The following PTPN13 variants were observed in gnomAD, a reference collection of about 807,000 sequenced individuals.
The protein encoded by PTPN13 is protein tyrosine phosphatase non-receptor type 13.
Under a neutral mutation model 284.0 loss-of-function variants are expected in PTPN13, and 191 were observed. The observed-to-expected ratio is 0.67, with a 90% CI of 0.60 to 0.76. PTPN13 has a LOEUF of 0.76. Ranked by LOEUF, PTPN13 falls within the 30% of genes least tolerant of loss-of-function variation. PTPN13 has a pLI of 0.00. For synonymous variants in PTPN13, 986 were observed against 1,022.3 expected (o/e 0.96, Z 0.68); for missense variants, 2,797 against 2,939.9 (o/e 0.95, Z 1.12).
At chr4:86,780,357 T>C (rs1741155126) in intron 35 of PTPN13, 45 bp from the exon 36 acceptor site, 1 of 1,531,970 alleles carries the variant, frequency 6.5e-7, no homozygotes, top group African/African-American at 1.4e-5. Flanking sequence ...AGGTCAAGGC[T>C]ACAATGTCCA....
chr4:86,633,641 T>C (rs892129442), intron 1 of PTPN13, among the ~76,000 whole-genome samples: 12 of 152,196 alleles, frequency 7.9e-5, no homozygotes, highest in African/African-American at 2.9e-4. Context: ...CTCAGACATA[T>C]TACTTTGGAA....
At chr4:86,621,600 T>C (rs1456195549) in intron 1 of PTPN13, among the ~76,000 whole-genome samples, 1 of 152,180 alleles carries the variant, frequency 6.6e-6, no homozygotes, top group Non-Finnish European at 1.5e-5. Flanking sequence ...TTAGTGTAAA[T>C]ATTCATCAGT....
intron 18 of PTPN13, 57 bp from the exon 19 acceptor site, chr4:86,750,970 T>C: frequency 6.4e-7 from 1 of 1,559,384 alleles, no homozygotes; most frequent in Non-Finnish European, 8.7e-7. Context: ...ATTTTATTAT[T>C]TTCACCATAT....
At chr4:86,811,711 C>G (rs549321319) in intron 47 of PTPN13, among the ~76,000 whole-genome samples, 230 of 152,356 alleles carry the variant, frequency 1.5e-3, no homozygotes, top group African/African-American at 5.3e-3. Context: ...AAGAGTTCCA[C>G]AATCCTCTTT....
chr4:86,724,029 A>T (rs532897570), intron 10 of PTPN13, among the ~76,000 whole-genome samples: 5 of 152,194 alleles, frequency 3.3e-5, no homozygotes, highest in Non-Finnish European at 7.3e-5. Flanking sequence ...ATTGCATTGA[A>T]CTACAAATTG....
chr4:86,682,539 C>T (rs538394872), intron 3 of PTPN13, among the ~76,000 whole-genome samples: 8 of 151,534 alleles, frequency 5.3e-5, no homozygotes, highest in Admixed American at 3.3e-4. Context: ...TTTCTCATTA[C>T]GTAAAACACA....
intron 1 of PTPN13, among the ~76,000 whole-genome samples, chr4:86,601,994 A>C (rs1764333689): frequency 6.6e-6 from 1 of 152,212 alleles, no homozygotes; most frequent in Admixed American, 6.5e-5. Flanking sequence ...AGCTTTAATC[A>C]TCTGAGTTCA....
chr4:86,803,145 C>T (rs1372678512), intron 42 of PTPN13, among the ~76,000 whole-genome samples: 1 of 150,212 alleles, frequency 6.7e-6, no homozygotes, highest in African/African-American at 2.5e-5. Flanking sequence ...TACACACACA[C>T]ATATACATGT....
At chr4:86,699,391 CA>C (rs879562287) in intron 6 of PTPN13, among the ~76,000 whole-genome samples, 76 of 139,760 alleles carry the variant, frequency 5.4e-4, no homozygotes, top group East Asian at 1.4e-3. Flanking sequence ...ATCCCCCCTC[CA>C]AAAAAAAAAA....
At chr4:86,769,305 C>CT (rs1484072681) in intron 28 of PTPN13, among the ~76,000 whole-genome samples, 25 of 151,934 alleles carry the variant, frequency 1.6e-4, no homozygotes, top group Admixed American at 1.6e-3. Context: ...GGAGTTTCCC[C>CT]TTTTTTTGTC....
chr4:86,687,909 G>A (rs1007127287), intron 4 of PTPN13, among the ~76,000 whole-genome samples: 1 of 152,022 alleles, frequency 6.6e-6, no homozygotes, highest in African/African-American at 2.4e-5. Context: ...GGATATTTTG[G>A]AAATATTTAA....
At chr4:86,660,495 G>A (rs1052179867) in intron 2 of PTPN13, among the ~76,000 whole-genome samples, 3 of 151,980 alleles carry the variant, frequency 2.0e-5, no homozygotes, top group Non-Finnish European at 4.4e-5. Context: ...GCTTTTAAAA[G>A]ATCAAATTCT....
chr4:86,704,904 A>T (rs755816622), intron 7 of PTPN13, among the ~76,000 whole-genome samples: 2 of 152,214 alleles, frequency 1.3e-5, no homozygotes, highest in Non-Finnish European at 2.9e-5. Flanking sequence ...GCAATAAATT[A>T]TGTTTGCTTT....
rs147543700 is a variant in PTPN13, at chr4:86,739,577, A to C, written c.2305-2057A>C. ...CCCTCCTTCAACATGTGGAAATTCA[A>C]GATGAGATTTGGGTGAGGACACAGC... On this transcript the variant is annotated intron_variant, in intron 15 of 47. Transcript: ENST00000411767. Among the ~76,000 whole-genome samples the C allele has an allele frequency of 2.1e-3, 317 of 152,278 alleles. 2 individuals carry two copies. Among genetic ancestry groups the C allele is most frequent in the African/African-American group, 7.2e-3 (299 of 41,560 alleles).
intron 2 of PTPN13, among the ~76,000 whole-genome samples, 164 bp downstream of exon 2, chr4:86,635,535 G>C (rs532617520): frequency 4.1e-4 from 62 of 152,270 alleles, no homozygotes; most frequent in African/African-American, 1.3e-3. Flanking sequence ...AAAAAGCTCA[G>C]CTATTATCTA....
At chr4:86,758,572 AT>A in intron 21 of PTPN13, 105 bp from the exon 22 acceptor site, 1 of 1,027,196 alleles carries the variant, frequency 9.7e-7, no homozygotes, top group Non-Finnish European at 1.5e-6. Flanking sequence ...TTACCTACTA[AT>A]CATTTGATAT....
intron 20 of PTPN13, among the ~76,000 whole-genome samples, chr4:86,757,537 A>G (rs1738117215): frequency 6.6e-6 from 1 of 152,136 alleles, no homozygotes. Context: ...TTGGAGGCCT[A>G]GATAGGAGGA....
intron 6 of PTPN13, among the ~76,000 whole-genome samples, chr4:86,696,761 A>G (rs1730637151): frequency 6.6e-6 from 1 of 152,048 alleles, no homozygotes. Flanking sequence ...TCTAAACTCA[A>G]GAGAATTTGT....
intron 10 of PTPN13, among the ~76,000 whole-genome samples, chr4:86,731,631 G>C (rs1734969512): frequency 6.6e-6 from 1 of 151,926 alleles, no homozygotes; most frequent in Non-Finnish European, 1.5e-5. Flanking sequence ...CAATTTTTTT[G>C]TTTTTGTCTG....
Sources: allele counts gnomAD v4.1 joint callset (sites outside exome capture counted in the v4.1 genomes callset), GRCh38; gene constraint gnomAD v4.1.1; transcripts MANE v1.5; gene names NCBI Gene and HGNC (gene_info 2026-07-23, HGNC 2026-07-21).